NUBPL: variants seen among roughly 807,000 people sequenced by gnomAD.
NUBPL encodes iron-sulfur cluster transfer protein NUBPL.
NUBPL carries 31 observed loss-of-function variants against 45.7 expected under a neutral mutation model. The ratio of observed to expected loss-of-function variants is 0.68; its 90% CI spans 0.51 to 0.92. The LOEUF (loss-of-function observed/expected upper bound fraction) is 0.92, where lower values mean the gene tolerates loss of function less well. Ranked by LOEUF, NUBPL falls within the 40% of genes least tolerant of loss-of-function variation. The pLI, the probability that NUBPL is intolerant of heterozygous loss-of-function variation, is 0.00. For missense variants in NUBPL, 401 were observed against 398.7 expected, an observed-to-expected ratio of 1.01 and a Z score of -0.05; for synonymous variants, 144 against 140.9, an observed-to-expected ratio of 1.02 and a Z score of -0.15.
chr14:31,825,803 TCTCCTC>T (rs146422681), intron 7 of NUBPL, among the ~76,000 whole-genome samples: 23 of 148,398 alleles, frequency 1.5e-4, no homozygotes, highest in African/African-American at 5.4e-4. Flanking sequence ...CATTTCTTCT[TCTCCTC>T]CTCCTCCTCC....
intron 8 of NUBPL, among the ~76,000 whole-genome samples, chr14:31,836,031 C>T (rs192738626): frequency 6.6e-6 from 1 of 152,128 alleles, no homozygotes; most frequent in African/African-American, 2.4e-5. Flanking sequence ...TTGTTACTTA[C>T]CTGTATCTGG....
intron 6 of NUBPL, among the ~76,000 whole-genome samples, chr14:31,756,979 T>C (rs372398747): frequency 0.084 from 12,755 of 151,302 alleles, 640 homozygotes; most frequent in African/African-American, 0.14. Flanking sequence ...TTGTCTTTGG[T>C]TCTGTTTATA....
chr14:31,565,241 C>T (rs969261885), intron 3 of NUBPL, among the ~76,000 whole-genome samples, 193 bp downstream of exon 3: 1 of 152,024 alleles, frequency 6.6e-6, no homozygotes, highest in Non-Finnish European at 1.5e-5. Flanking sequence ...AAGTGTTGAC[C>T]ATATATTGTT....
At chr14:31,812,448 G>A (rs1020001782) in intron 7 of NUBPL, among the ~76,000 whole-genome samples, 2 of 152,212 alleles carry the variant, frequency 1.3e-5, no homozygotes, top group Non-Finnish European at 2.9e-5. Context: ...AGCCAGGCGC[G>A]GGATGTAATC....
chr14:31,673,230 C>G, intron 4 of NUBPL, 125 bp from the exon 5 acceptor site: 1 of 711,328 alleles, frequency 1.4e-6, no homozygotes, highest in Non-Finnish European at 2.4e-6. Context: ...TACGTTGTAC[C>G]CCGTAAACAT....
intron 6 of NUBPL, among the ~76,000 whole-genome samples, chr14:31,745,970 A>G (rs1183293375): frequency 6.6e-6 from 1 of 151,976 alleles, no homozygotes; most frequent in African/African-American, 2.4e-5. Context: ...AGCCCTTTCT[A>G]TAAGTAATTG....
intron 6 of NUBPL, among the ~76,000 whole-genome samples, chr14:31,677,089 T>C (rs2036718507): frequency 6.6e-6 from 1 of 152,148 alleles, no homozygotes; most frequent in Admixed American, 6.5e-5. Flanking sequence ...ATGGGGTACA[T>C]GAGATATTTT....
chr14:31,800,832 A>C (rs1378815930), intron 7 of NUBPL: 1 of 152,150 alleles, frequency 6.6e-6, no homozygotes, highest in East Asian at 1.9e-4. Context: ...TCTCTTTTTA[A>C]GGATTGGAGA....
chr14:31,833,643 G>A (rs2040228257), intron 8 of NUBPL, among the ~76,000 whole-genome samples: 1 of 152,164 alleles, frequency 6.6e-6, no homozygotes, highest in Admixed American at 6.5e-5. Context: ...TAGATGAACA[G>A]GTGAGCAGAG....
chr14:31,724,590 T>C (rs1462015805), intron 6 of NUBPL, among the ~76,000 whole-genome samples: 1 of 152,232 alleles, frequency 6.6e-6, no homozygotes, highest in Non-Finnish European at 1.5e-5. Flanking sequence ...ATAGCTAGCA[T>C]TGTTTGAATG....
intron 4 of NUBPL, among the ~76,000 whole-genome samples, chr14:31,639,675 C>G (rs2035623659): frequency 1.3e-5 from 2 of 152,206 alleles, no homozygotes; most frequent in South Asian, 2.1e-4. Context: ...TGTCTGTGCC[C>G]TACCCCAGAG....
chr14:31,720,721 A>G (rs536768287), intron 6 of NUBPL, among the ~76,000 whole-genome samples: 1 of 152,364 alleles, frequency 6.6e-6, no homozygotes, highest in South Asian at 2.1e-4. Flanking sequence ...AAAGTAAAAT[A>G]AAGTAAAAAA....
chr14:31,758,853 T>C (rs576101982), intron 6 of NUBPL, among the ~76,000 whole-genome samples: 119 of 152,198 alleles, frequency 7.8e-4, no homozygotes, highest in Non-Finnish European at 1.4e-3. Flanking sequence ...TTCTACTGTT[T>C]AGTATTGAAG....
chr14:31,626,169 A>AT (rs1022854067), intron 4 of NUBPL, among the ~76,000 whole-genome samples: 2 of 138,934 alleles, frequency 1.4e-5, no homozygotes, highest in African/African-American at 3.3e-5. Context: ...ATTTTATTTT[A>AT]TTTTTTTATT....
At chr14:31,586,238 G>A (rs759088426) in intron 3 of NUBPL, among the ~76,000 whole-genome samples, 3 of 152,130 alleles carry the variant, frequency 2.0e-5, no homozygotes, top group Admixed American at 6.5e-5. Flanking sequence ...GAGGAAGACC[G>A]ATATATTAAT....
intron 10 of NUBPL, among the ~76,000 whole-genome samples, chr14:31,856,693 A>G (rs2040626413): frequency 1.3e-5 from 2 of 152,210 alleles, no homozygotes; most frequent in Admixed American, 1.3e-4. Flanking sequence ...GGCCCCATGC[A>G]AGTCTGCAAT....
Position 31,561,464 on chromosome 14 carries a change from CT to C in NUBPL, c.30del (p.Phe10LeufsTer36). MGIWQRLL[L>X]FGGVSLRAGG... ...CATGGGGATTTGGCAGCGTCTGCTG[CT>C]TTTTGGTGGGGTGTCGCTCCGGGCT... On this transcript the variant is annotated frameshift_variant, in exon 1 of 11. Transcript: ENST00000281081. LOFTEE classifies it high-confidence loss of function. 7 of 1,420,026 alleles carry C rather than the reference CT, an allele frequency of 4.9e-6. No homozygotes were observed. Among genetic ancestry groups the C allele is most frequent in the Admixed American group, 2.6e-5 (1 of 39,020 alleles). 88.0% of individuals were successfully genotyped at this position (1,420,026 alleles called of 1,614,324 possible).
At chr14:31,801,678 T>C (rs2039593088) in intron 7 of NUBPL, among the ~76,000 whole-genome samples, 1 of 152,134 alleles carries the variant, frequency 6.6e-6, no homozygotes, top group Non-Finnish European at 1.5e-5. Context: ...AGAAAAAAGT[T>C]CCCCTTCACT....
intron 4 of NUBPL, among the ~76,000 whole-genome samples, chr14:31,640,884 T>C (rs570861430): frequency 2.0e-5 from 3 of 152,254 alleles, no homozygotes; most frequent in African/African-American, 7.2e-5. Flanking sequence ...ATTGTACAAT[T>C]GATTAATGTT....
Sources: allele counts gnomAD v4.1 joint callset (sites outside exome capture counted in the v4.1 genomes callset), GRCh38; gene constraint gnomAD v4.1.1; transcripts MANE v1.5; gene names NCBI Gene and HGNC (gene_info 2026-07-23, HGNC 2026-07-21).